LRBA: variants seen among roughly 807,000 people sequenced by gnomAD.
LRBA encodes the protein LPS responsive beige-like anchor protein, also known as lipopolysaccharide-responsive and beige-like anchor protein.
LRBA carries 176 observed loss-of-function variants against 330.0 expected under a neutral mutation model. That is an observed-to-expected ratio of 0.53 (90% CI 0.47 to 0.60). The LOEUF is 0.60. Ranked by LOEUF, LRBA falls within the 20% of genes least tolerant of loss-of-function variation. The probability of loss-of-function intolerance (pLI) is 0.00; values close to 1 mark genes in which losing one functional copy is unlikely to be tolerated. For synonymous variants in LRBA, 1,230 were observed against 1,193.0 expected (o/e 1.03, Z -0.64); for missense variants, 3,259 against 3,444.8 (o/e 0.95, Z 1.35).
chr4:150,579,901 G>A, intron 40 of LRBA: 1 of 355,848 alleles, frequency 2.8e-6, no homozygotes, highest in East Asian at 7.6e-5. Context: ...GGGCGGGAAA[G>A]CTCCGCACCC....
intron 40 of LRBA, among the ~76,000 whole-genome samples, chr4:150,541,325 T>C (rs2152225095): frequency 6.6e-6 from 1 of 152,230 alleles, no homozygotes; most frequent in East Asian, 1.9e-4. Context: ...GCAAAAAATA[T>C]ACCTAATGAT....
Position 150,590,696 on chromosome 4 carries a change from A to G in LRBA, c.6193+17T>C, listed in dbSNP as rs376898514. 3 of 1,611,740 alleles carry G rather than the reference A, an allele frequency of 1.9e-6. No homozygotes were observed. In the African/African-American group the frequency reaches 4.0e-5, roughly 22 times the overall value. ...TCCCAGAGGTAGCTGAAATATCTGC[A>G]CAACCACCAAATTTACCGGCAAGAT... On this transcript the variant is annotated intron_variant, in intron 39 of 56. Transcript: ENST00000651943.
At chr4:150,579,317 G>A (rs1278968517) in intron 40 of LRBA, 1 of 456,454 alleles carries the variant, frequency 2.2e-6, no homozygotes, top group East Asian at 7.0e-5. Context: ...GGACCGCAAA[G>A]GCGCAGCTGA....
intron 37 of LRBA, among the ~76,000 whole-genome samples, chr4:150,618,114 C>T (rs1196662434): frequency 6.8e-6 from 1 of 146,190 alleles, no homozygotes; most frequent in Non-Finnish European, 1.5e-5. Context: ...CTGTCTCAAA[C>T]AAAAAAAAAA....
intron 2 of LRBA, among the ~76,000 whole-genome samples, chr4:150,964,968 C>T (rs937311966): frequency 1.3e-5 from 2 of 152,220 alleles, no homozygotes; most frequent in Non-Finnish European, 1.5e-5. Flanking sequence ...ACCTATTAGA[C>T]TGGCAAAAAC....
intron 16 of LRBA, 145 bp downstream of exon 16, chr4:150,896,249 T>C (rs995655468): frequency 1.0e-5 from 5 of 492,166 alleles, no homozygotes; most frequent in Non-Finnish European, 1.8e-5. Flanking sequence ...TAAATAAAGA[T>C]TGCTAGGGCT....
At chr4:150,869,383 A>G (rs1360367654) in intron 20 of LRBA, among the ~76,000 whole-genome samples, 1 of 152,164 alleles carries the variant, frequency 6.6e-6, no homozygotes, top group Admixed American at 6.5e-5. Context: ...AGCTATTTAA[A>G]TCTCCAGAAT....
intron 40 of LRBA, chr4:150,581,323 A>T (rs1297380190): frequency 2.2e-6 from 1 of 450,858 alleles, no homozygotes; most frequent in Non-Finnish European, 4.5e-6. Context: ...CTCACCTTAT[A>T]TCCACTCCAA....
chr4:150,890,135 C>G (rs1729318766), intron 17 of LRBA, among the ~76,000 whole-genome samples: 1 of 152,058 alleles, frequency 6.6e-6, no homozygotes, highest in Non-Finnish European at 1.5e-5. Flanking sequence ...TGAAATAATT[C>G]CCTCCTAATA....
intron 56 of LRBA, among the ~76,000 whole-genome samples, chr4:150,271,908 G>C (rs1162251630): frequency 6.6e-6 from 1 of 152,190 alleles, no homozygotes; most frequent in Non-Finnish European, 1.5e-5. Flanking sequence ...AGAGCACCTG[G>C]GGGAAGGGGC....
intron 47 of LRBA, among the ~76,000 whole-genome samples, chr4:150,382,758 C>A (rs1742466873): frequency 6.6e-6 from 1 of 151,946 alleles, no homozygotes; most frequent in Non-Finnish European, 1.5e-5. Context: ...TAACATAGAT[C>A]TTCAAAAGCC....
intron 37 of LRBA, among the ~76,000 whole-genome samples, chr4:150,667,808 C>T (rs954104244): frequency 2.0e-5 from 3 of 152,166 alleles, no homozygotes; most frequent in African/African-American, 7.2e-5. Flanking sequence ...TCACAGACTT[C>T]CAGCCTCCAG....
chr4:150,818,395 C>T (rs1447020296), intron 30 of LRBA, among the ~76,000 whole-genome samples: 1 of 151,962 alleles, frequency 6.6e-6, no homozygotes, highest in African/African-American at 2.4e-5. Flanking sequence ...ATAAGGGTGA[C>T]TGCCAATGTT....
chr4:150,848,819 TAGTCGGAGACACTGCCGC>T lies in LRBA; in HGVS notation c.4320_4337del (p.Arg1441_Leu1446del). ...TCCCAACGGTTTTTAGCAGCTCACC[TAGTCGGAGACACTGCCGC>T]AAAATTCCTCCAGATGACATACTTT... On this transcript the variant is annotated inframe_deletion and splice_region_variant, in exon 26 of 57. Coordinates refer to ENST00000651943, the MANE Select transcript of LRBA (RefSeq NM_001364905.1). The T allele has an allele frequency of 1.3e-6, 2 of 1,593,422 alleles. No homozygotes were observed. The highest frequency in any genetic ancestry group is 1.7e-6 in the Non-Finnish European group (2 of 1,172,222).
chr4:150,284,611 TAC>T (rs1747924890), intron 54 of LRBA, among the ~76,000 whole-genome samples: 4 of 152,170 alleles, frequency 2.6e-5, no homozygotes, highest in African/African-American at 9.7e-5. Flanking sequence ...CATGGCTTAC[TAC>T]AGCCTTCACC....
intron 17 of LRBA, among the ~76,000 whole-genome samples, chr4:150,885,990 T>C (rs144352583): frequency 1.3e-5 from 2 of 151,896 alleles, no homozygotes; most frequent in East Asian, 3.9e-4. Context: ...AAACCACTAA[T>C]AAAAGATAAC....
intron 19 of LRBA, 97 bp from the exon 20 acceptor site, chr4:150,870,703 C>T (rs1399226331): frequency 4.7e-6 from 3 of 637,332 alleles, no homozygotes; most frequent in Non-Finnish European, 8.5e-6. Flanking sequence ...ACTTTAAGTA[C>T]AACACTAATC....
chr4:150,460,676 T>C (rs1405952475), intron 44 of LRBA, among the ~76,000 whole-genome samples: 1 of 151,816 alleles, frequency 6.6e-6, no homozygotes, highest in African/African-American at 2.4e-5. Context: ...TGGTGCAGGT[T>C]CATTTTCTTC....
intron 40 of LRBA, among the ~76,000 whole-genome samples, chr4:150,505,012 A>T (rs897873853): frequency 3.3e-5 from 5 of 152,242 alleles, no homozygotes; most frequent in African/African-American, 1.2e-4. Flanking sequence ...GATCAATTCA[A>T]CAAGAAGAGC....
Sources: allele counts gnomAD v4.1 joint callset (sites outside exome capture counted in the v4.1 genomes callset), GRCh38; gene constraint gnomAD v4.1.1; transcripts MANE v1.5; gene names NCBI Gene and HGNC (gene_info 2026-07-23, HGNC 2026-07-21).